The following RALGAPA2 variants were observed in gnomAD, a reference collection of about 807,000 sequenced individuals.
The protein encoded by RALGAPA2 is Ral GTPase activating protein catalytic subunit alpha 2.
RALGAPA2 carries 139 observed loss-of-function variants against 230.4 expected under a neutral mutation model. The ratio of observed to expected loss-of-function variants is 0.60; its 90% CI spans 0.53 to 0.69. The LOEUF is 0.69. Among genes scored for constraint, RALGAPA2 ranks in the 30% least tolerant of loss-of-function variants. The pLI, the probability that RALGAPA2 is intolerant of heterozygous loss-of-function variation, is 0.00. For synonymous variants in RALGAPA2, 847 were observed against 837.8 expected (o/e 1.01, Z -0.19); for missense variants, 2,163 against 2,276.0 (o/e 0.95, Z 1.01).
intron 18 of RALGAPA2, among the ~76,000 whole-genome samples, chr20:20,586,221 G>T (rs1270383714): frequency 6.6e-6 from 1 of 152,142 alleles, no homozygotes; most frequent in East Asian, 1.9e-4. Context: ...AAACTTCCAA[G>T]AAATCTACCT....
chr20:20,510,680 C>A (rs1029713076), intron 33 of RALGAPA2, among the ~76,000 whole-genome samples: 3 of 152,156 alleles, frequency 2.0e-5, no homozygotes, highest in African/African-American at 7.2e-5. Flanking sequence ...AAACACTTTT[C>A]ATGGTTGTGA....
chr20:20,676,855 G>C (rs2068341719), intron 2 of RALGAPA2, among the ~76,000 whole-genome samples: 1 of 152,160 alleles, frequency 6.6e-6, no homozygotes, highest in African/African-American at 2.4e-5. Context: ...TAAAGGGTCA[G>C]ACAATAAATA....
Position 20,643,092 on chromosome 20 carries a change from AAATT to A in RALGAPA2, c.372+410_372+413del, listed in dbSNP as rs551701976. On this transcript the variant is annotated intron_variant, in intron 5 of 39. Transcript: ENST00000202677. ...CCCACAATGGCTCTCACAATTAGTA[AAATT>A]AATTAGAGACAACTATAATTTTAAC... 4.5e-3 allele frequency among the ~76,000 whole-genome samples: 686 copies of A among 152,348 alleles called. 5 individuals are homozygous for A. The highest frequency in any genetic ancestry group is 0.016 in the African/African-American group (660 of 41,576).
At chr20:20,450,762 C>G (rs2060970501) in intron 37 of RALGAPA2, among the ~76,000 whole-genome samples, 1 of 152,252 alleles carries the variant, frequency 6.6e-6, no homozygotes, top group South Asian at 2.1e-4. Context: ...CGCTTTTGCA[C>G]ATCGTGCACT....
At chr20:20,485,260 TGCTCTGATGTTA>T (rs1242093133) in intron 36 of RALGAPA2, among the ~76,000 whole-genome samples, 1 of 152,194 alleles carries the variant, frequency 6.6e-6, no homozygotes, top group Non-Finnish European at 1.5e-5. Context: ...TAATTTTCCC[TGCTCTGATGTTA>T]GCTCCATCTG....
rs149940559 is a variant in RALGAPA2, at chr20:20,703,858, T to A, written c.106+8517A>T. Among the ~76,000 whole-genome samples, 939 of 152,238 alleles carry A rather than the reference T, an allele frequency of 6.2e-3. 8 individuals are homozygous for A. Among genetic ancestry groups the A allele is most frequent in the Non-Finnish European group, 9.0e-3 (612 of 68,018 alleles). On this transcript the variant is annotated intron_variant, in intron 1 of 39. Coordinates refer to ENST00000202677, the MANE Select transcript of RALGAPA2 (RefSeq NM_020343.4). The stretch of plus-strand genomic sequence containing the variant: ...CACTCTAGGGCACATGTTCATTGAG[T>A]GGAAGGGCACACAACATCTGTGCTA...
intron 3 of RALGAPA2, among the ~76,000 whole-genome samples, chr20:20,675,893 T>C (rs1027602256): frequency 3.3e-5 from 5 of 152,204 alleles, no homozygotes; most frequent in African/African-American, 1.2e-4. Context: ...TAAATTTTTT[T>C]ATTTTTTACA....
rs746740942 is a variant in RALGAPA2, at chr20:20,629,366, G to A, written c.1230C>T (p.His410=). The change falls in exon 10 of 40, where the codon CAC becomes CAT. Residue 410 remains histidine, a synonymous_variant. Transcript: ENST00000202677. The part of the protein sequence containing the change: ...GYVNFVNEVF[H]QAFLLPSCEI... ...ACACACACACACACACACTAACCTG[G>A]TGAAATACTTCATTCACGAAGTTGA... 7 of 1,560,804 alleles carry A rather than the reference G, an allele frequency of 4.5e-6. No individual in the cohort carries two copies. The highest frequency in any genetic ancestry group is 2.8e-5 in the African/African-American group (2 of 72,632).
chr20:20,433,368 T>C (rs907168866), intron 37 of RALGAPA2, among the ~76,000 whole-genome samples: 4 of 152,056 alleles, frequency 2.6e-5, no homozygotes, highest in African/African-American at 9.7e-5. Context: ...TCATACAATA[T>C]CTTAAAAGAG....
At chr20:20,600,466 G>A (rs984041602) in intron 16 of RALGAPA2, among the ~76,000 whole-genome samples, 1 of 152,224 alleles carries the variant, frequency 6.6e-6, no homozygotes, top group Non-Finnish European at 1.5e-5. Flanking sequence ...AGAATAGGCT[G>A]TGCATGTAAA....
chr20:20,413,740 G>C (rs1165220484), intron 37 of RALGAPA2, among the ~76,000 whole-genome samples: 1 of 152,224 alleles, frequency 6.6e-6, no homozygotes, highest in African/African-American at 2.4e-5. Context: ...AAATGTGTTT[G>C]AAGATTTCCA....
At chr20:20,695,547 T>G (rs983885840) in intron 1 of RALGAPA2, among the ~76,000 whole-genome samples, 1 of 152,210 alleles carries the variant, frequency 6.6e-6, no homozygotes, top group African/African-American at 2.4e-5. Context: ...GACTGTCAAC[T>G]GACAGAACAG....
intron 36 of RALGAPA2, among the ~76,000 whole-genome samples, chr20:20,484,065 G>T (rs1417667252): frequency 6.6e-6 from 1 of 152,146 alleles, no homozygotes; most frequent in Non-Finnish European, 1.5e-5. Context: ...CCCCCTCTGG[G>T]AAATTCACAG....
intron 4 of RALGAPA2, among the ~76,000 whole-genome samples, chr20:20,646,086 A>G (rs2067206962): frequency 6.7e-6 from 1 of 150,236 alleles, no homozygotes; most frequent in African/African-American, 2.5e-5. Flanking sequence ...ATGGGGTCTC[A>G]CTCTGTAGCC....
intron 36 of RALGAPA2, among the ~76,000 whole-genome samples, chr20:20,485,427 A>T (rs2061887088): frequency 6.6e-6 from 1 of 152,196 alleles, no homozygotes; most frequent in African/African-American, 2.4e-5. Flanking sequence ...CTTCTTTGGC[A>T]CCCACTCTGA....
chr20:20,655,980 C>A (rs1362719630), intron 3 of RALGAPA2, among the ~76,000 whole-genome samples: 1 of 152,134 alleles, frequency 6.6e-6, no homozygotes, highest in East Asian at 1.9e-4. Flanking sequence ...TTCTGGACAT[C>A]CTGCCATTTG....
At chr20:20,625,302 A>G (rs1402143666) in intron 10 of RALGAPA2, among the ~76,000 whole-genome samples, 1 of 152,224 alleles carries the variant, frequency 6.6e-6, no homozygotes, top group Non-Finnish European at 1.5e-5. Context: ...GGCCCCAGCC[A>G]TATATACACA....
At chr20:20,446,448 G>T (rs374683207) in intron 37 of RALGAPA2, among the ~76,000 whole-genome samples, 2 of 152,254 alleles carry the variant, frequency 1.3e-5, no homozygotes, top group Middle Eastern at 6.8e-3. Context: ...GGCAAAAACC[G>T]CAATTACTTT....
chr20:20,638,362 A>G (rs768600177), intron 7 of RALGAPA2, among the ~76,000 whole-genome samples: 10 of 152,204 alleles, frequency 6.6e-5, no homozygotes, highest in Non-Finnish European at 8.8e-5. Flanking sequence ...CACCTGAGGT[A>G]AAGGGATGAG....
Sources: gnomAD v4.1 joint callset for allele counts (sites outside exome capture counted in the v4.1 genomes callset) on GRCh38, gnomAD v4.1.1 for gene constraint, MANE v1.5 for transcripts, NCBI Gene and HGNC (gene_info 2026-07-23, HGNC 2026-07-21) for gene names.